The following ABCA5 variants were observed in gnomAD, a reference collection of about 807,000 sequenced individuals.
ABCA5 encodes ATP binding cassette subfamily A member 5.
A neutral mutation model predicts 206.0 loss-of-function variants in ABCA5; 163 were observed. The ratio of observed to expected loss-of-function variants is 0.79; its 90% CI spans 0.70 to 0.90. ABCA5 has a LOEUF of 0.90. ABCA5 is among the 40% of genes least tolerant of loss of function. ABCA5 has a pLI of 0.00. For missense variants in ABCA5, 1,859 were observed against 1,912.9 expected, an observed-to-expected ratio of 0.97 and a Z score of 0.53; for synonymous variants, 609 against 613.8, an observed-to-expected ratio of 0.99 and a Z score of 0.11.
rs766272551 is a variant in ABCA5, at chr17:69,304,739, G to C, written c.860C>G (p.Ala287Gly). Residue 287 changes from alanine (A) to glycine (G), a missense_variant, in exon 7 of 39, where the codon GCT becomes GGT. Ala to Gly is a moderately conservative substitution (Grantham distance 60). Transcript: ENST00000392676. ...MSLLMAVIAT[A>G]SLLFPQSSSI... ...GCTACTTTGAGGAAATAACAAAGAA[G>C]CTGTCGCAATGACTGCCATAAGAAG... 1 of 1,609,860 alleles carries C rather than the reference G, an allele frequency of 6.2e-7. No homozygotes were observed. The highest frequency in any genetic ancestry group is 8.5e-7 in the Non-Finnish European group (1 of 1,177,744).
chr17:69,324,628 T>A (rs970083868), intron 1 of ABCA5, among the ~76,000 whole-genome samples: 1 of 152,214 alleles, frequency 6.6e-6, no homozygotes, highest in African/African-American at 2.4e-5. Flanking sequence ...AAAGCTTCCA[T>A]CTGTAGGATC....
chr17:69,277,994 C>T, intron 18 of ABCA5, 152 bp from the exon 19 acceptor site: 2 of 562,958 alleles, frequency 3.6e-6, no homozygotes, highest in East Asian at 3.1e-5. Context: ...TAAAGCTGAA[C>T]ATATGTATAT....
intron 3 of ABCA5, among the ~76,000 whole-genome samples, chr17:69,309,772 C>T (rs113531042): frequency 0.046 from 6,972 of 151,874 alleles, 193 homozygotes; most frequent in Non-Finnish European, 0.066. Flanking sequence ...GCTAGGAGGT[C>T]GAGGCTGCAG....
At position 69,297,172 on chromosome 17, in the gene ABCA5, G is replaced by A. The variant is rs2075593000; in HGVS notation, c.1436+19C>T. On this transcript the variant is annotated intron_variant, in intron 10 of 38. Coordinates refer to ENST00000392676, the MANE Select transcript of ABCA5 (RefSeq NM_172232.4). ...CATCAGCAGTTCTTATACCTAAATT[G>A]CCAAAGATTGAACCATACCTTATGG... 1 of 1,599,470 alleles carries A rather than the reference G, an allele frequency of 6.3e-7. No homozygotes were observed. The highest frequency in any genetic ancestry group is 1.4e-5 in the African/African-American group (1 of 73,690).
At chr17:69,307,012 T>G in intron 5 of ABCA5, 58 bp from the exon 6 acceptor site, 1 of 1,263,498 alleles carries the variant, frequency 7.9e-7, no homozygotes, top group South Asian at 1.9e-5. Context: ...CAGCCCCTAG[T>G]AAAACGGGAC....
intron 1 of ABCA5, chr17:69,317,842 T>C (rs2075830793): frequency 6.6e-6 from 1 of 152,198 alleles, no homozygotes; most frequent in South Asian, 2.1e-4. Flanking sequence ...AAAATAGAAG[T>C]GGTCAGAGTC....
chr17:69,274,791 T>C (rs960355226), intron 19 of ABCA5, among the ~76,000 whole-genome samples: 11 of 151,250 alleles, frequency 7.3e-5, no homozygotes, highest in Non-Finnish European at 7.4e-5. Flanking sequence ...TATTTGTCTC[T>C]ACTCCTGAAG....
chr17:69,320,907 T>C (rs1313876357), intron 1 of ABCA5, among the ~76,000 whole-genome samples: 1 of 152,208 alleles, frequency 6.6e-6, no homozygotes, highest in Non-Finnish European at 1.5e-5. Context: ...GGAAAATATT[T>C]GGCTTCCTTT....
At chr17:69,319,673 T>C (rs754480015) in intron 1 of ABCA5, among the ~76,000 whole-genome samples, 14 of 152,236 alleles carry the variant, frequency 9.2e-5, no homozygotes, top group Non-Finnish European at 1.3e-4. Context: ...ATTCTTACTC[T>C]AAGCTTTCTT....
At chr17:69,263,268 G>A (rs2075169415) in intron 24 of ABCA5, among the ~76,000 whole-genome samples, 1 of 152,026 alleles carries the variant, frequency 6.6e-6, no homozygotes, top group Non-Finnish European at 1.5e-5. Context: ...TATTTCTGTT[G>A]CAATTGCTTT....
chr17:69,277,552 A>T (rs2075347740), intron 19 of ABCA5, 89 bp downstream of exon 19: 1 of 1,002,874 alleles, frequency 1.0e-6, no homozygotes. Flanking sequence ...TTATTTACAT[A>T]TGTTAACATT....
At chr17:69,301,454 TAA>T (rs1270292119) in intron 8 of ABCA5, among the ~76,000 whole-genome samples, 168 bp from the exon 9 acceptor site, 12 of 152,230 alleles carry the variant, frequency 7.9e-5, no homozygotes, top group African/African-American at 2.6e-4. Flanking sequence ...AGGAAAACAA[TAA>T]AGACTTTACA....
intron 3 of ABCA5, among the ~76,000 whole-genome samples, 167 bp from the exon 4 acceptor site, chr17:69,309,590 C>A (rs1288058351): frequency 6.6e-6 from 1 of 152,086 alleles, no homozygotes; most frequent in Non-Finnish European, 1.5e-5. Flanking sequence ...CACCTGTAAT[C>A]CCAACATTTT....
At chr17:69,289,745 C>T in intron 13 of ABCA5, 117 bp downstream of exon 13, 3 of 777,208 alleles carry the variant, frequency 3.9e-6, no homozygotes, top group African/African-American at 1.8e-5. Flanking sequence ...TTTCTGTTTG[C>T]TGGCTCAGAA....
At chr17:69,293,866 GTGTGTGCGTGTGTGTGTGTT>G (rs1229285607) in intron 11 of ABCA5, among the ~76,000 whole-genome samples, 13 of 88,092 alleles carry the variant, frequency 1.5e-4, no homozygotes, top group Admixed American at 4.3e-4. Context: ...GTGTGTGTGT[GTGTGTGCGTGTGTGTGTGTT>G]TGTGTGTGTG....
intron 27 of ABCA5, 31 bp from the exon 28 acceptor site, chr17:69,259,828 T>A (rs763370973): frequency 2.9e-6 from 4 of 1,364,974 alleles, no homozygotes; most frequent in Non-Finnish European, 4.1e-6. Context: ...AGCTCATGAC[T>A]AAAAGATTTG....
At chr17:69,281,381 C>T (rs751306520) in intron 18 of ABCA5, among the ~76,000 whole-genome samples, 15 of 151,936 alleles carry the variant, frequency 9.9e-5, no homozygotes, top group African/African-American at 3.6e-4. Flanking sequence ...GGGAGACTTG[C>T]TTCTTTTTTT....
intron 23 of ABCA5, among the ~76,000 whole-genome samples, chr17:69,265,813 T>C (rs2075201210): frequency 6.6e-6 from 1 of 152,184 alleles, no homozygotes; most frequent in African/African-American, 2.4e-5. Flanking sequence ...ATTCAAACTT[T>C]TGTCATTCAC....
At chr17:69,250,271 A>C (rs1362700093) in intron 36 of ABCA5, among the ~76,000 whole-genome samples, 2 of 151,872 alleles carry the variant, frequency 1.3e-5, no homozygotes, top group Admixed American at 1.3e-4. Flanking sequence ...GTGATAATAC[A>C]GAGAGAGATA....
Sources: gnomAD v4.1 joint callset for allele counts (sites outside exome capture counted in the v4.1 genomes callset) on GRCh38, gnomAD v4.1.1 for gene constraint, MANE v1.5 for transcripts, NCBI Gene and HGNC (gene_info 2026-07-23, HGNC 2026-07-21) for gene names.